The following STPG2 variants were observed in gnomAD, a reference collection of about 807,000 sequenced individuals.
STPG2 encodes the protein sperm-tail PG-rich repeat-containing protein 2.
A neutral mutation model predicts 54.2 loss-of-function variants in STPG2; 56 were observed. The observed-to-expected ratio is 1.03, with a 90% CI of 0.83 to 1.29. STPG2 has a LOEUF of 1.29. Ranked by LOEUF, STPG2 falls within the 50% of genes most tolerant of loss-of-function variation. The pLI is 0.00. For missense variants in STPG2, 596 were observed against 544.9 expected (o/e 1.09, Z -0.93); for synonymous variants, 200 against 181.8 (o/e 1.10, Z -0.81).
chr4:97,795,652 A>G (rs1354146491), intron 9 of STPG2, among the ~76,000 whole-genome samples: 6 of 152,362 alleles, frequency 3.9e-5, no homozygotes, highest in African/African-American at 7.2e-5. Flanking sequence ...TAGTGCCACA[A>G]TAAACATATG....
At chr4:97,568,148 C>G (rs1336488591) in intron 10 of STPG2, among the ~76,000 whole-genome samples, 1 of 151,986 alleles carries the variant, frequency 6.6e-6, no homozygotes, top group Non-Finnish European at 1.5e-5. Flanking sequence ...AAACTAATGC[C>G]CAGCGTTTGA....
chr4:97,844,253 A>C (rs565885178), intron 8 of STPG2, among the ~76,000 whole-genome samples: 1 of 151,946 alleles, frequency 6.6e-6, no homozygotes, highest in South Asian at 2.1e-4. Flanking sequence ...CAACAAGTAA[A>C]CCCCTCAGCC....
chr4:97,766,030 C>T (rs1374176249), intron 9 of STPG2, among the ~76,000 whole-genome samples: 1 of 151,980 alleles, frequency 6.6e-6, no homozygotes, highest in Non-Finnish European at 1.5e-5. Flanking sequence ...TTGTAGGATG[C>T]TTTAAAGGGT....
At chr4:97,667,376 T>C (rs973037852) in intron 10 of STPG2, among the ~76,000 whole-genome samples, 13 of 152,348 alleles carry the variant, frequency 8.5e-5, no homozygotes, top group Admixed American at 7.2e-4. Context: ...TTTTTGTATT[T>C]TGTGACAGTT....
At chr4:97,826,605 G>C (rs185172093) in intron 9 of STPG2, among the ~76,000 whole-genome samples, 1 of 152,072 alleles carries the variant, frequency 6.6e-6, no homozygotes, top group Non-Finnish European at 1.5e-5. Context: ...TATATTTGTC[G>C]ACAAGGTTTT....
At chr4:97,927,045 C>T (rs748193630) in intron 8 of STPG2, among the ~76,000 whole-genome samples, 10 of 152,040 alleles carry the variant, frequency 6.6e-5, no homozygotes, top group South Asian at 2.1e-4. Flanking sequence ...CCTAAACTCA[C>T]GCAACTAGGC....
intron 8 of STPG2, among the ~76,000 whole-genome samples, chr4:97,923,865 CA>C (rs1469405908): frequency 6.6e-6 from 1 of 152,138 alleles, no homozygotes; most frequent in Admixed American, 6.5e-5. Flanking sequence ...AGCACCCTGT[CA>C]AAATGGACCA....
downstream of STPG2, among the ~76,000 whole-genome samples, chr4:97,557,193 T>C (rs903167948): frequency 4.0e-5 from 6 of 151,442 alleles, no homozygotes; most frequent in Non-Finnish European, 5.9e-5. Flanking sequence ...AAAAACAAAA[T>C]ACTGTCATAC....
intron 4 of STPG2, among the ~76,000 whole-genome samples, chr4:97,535,988 C>G (rs181497135): frequency 2.0e-5 from 3 of 152,138 alleles, no homozygotes; most frequent in Admixed American, 6.6e-5. Context: ...GCTTTAGAGA[C>G]AGGGCCTGGC....
intron 8 of STPG2, among the ~76,000 whole-genome samples, chr4:97,873,814 C>A (rs1340997743): frequency 6.6e-6 from 1 of 151,478 alleles, no homozygotes; most frequent in Non-Finnish European, 1.5e-5. Flanking sequence ...AGTAACTTAA[C>A]ACATTAATTA....
chr4:97,902,832 G>C (rs1296577633), intron 8 of STPG2, among the ~76,000 whole-genome samples: 3 of 152,124 alleles, frequency 2.0e-5, no homozygotes, highest in African/African-American at 7.2e-5. Context: ...ATGTTGAAGA[G>C]ATATCAGTAC....
chr4:97,742,423 A>T (rs1725276574), intron 9 of STPG2, among the ~76,000 whole-genome samples: 1 of 151,196 alleles, frequency 6.6e-6, no homozygotes, highest in Non-Finnish European at 1.5e-5. Flanking sequence ...GTACTTCTTA[A>T]AGAGATAGCT....
intron 4 of STPG2, among the ~76,000 whole-genome samples, chr4:97,518,521 T>C (rs1451475170): frequency 6.6e-6 from 1 of 152,116 alleles, no homozygotes; most frequent in Non-Finnish European, 1.5e-5. Flanking sequence ...ATTTAAGAAG[T>C]ATATAATATG....
At chr4:97,930,692 GGTTT>G (rs1414626358) in intron 8 of STPG2, among the ~76,000 whole-genome samples, 1 of 152,032 alleles carries the variant, frequency 6.6e-6, no homozygotes, top group Non-Finnish European at 1.5e-5. Flanking sequence ...ACTTTTTAAA[GGTTT>G]TTTTCTAGTT....
At chr4:97,572,324 A>G (rs1173502238) in intron 10 of STPG2, among the ~76,000 whole-genome samples, 1 of 151,902 alleles carries the variant, frequency 6.6e-6, no homozygotes, top group Admixed American at 6.6e-5. Context: ...TCTGTTAGTA[A>G]CCACTGCTTA....
chr4:97,949,023 C>T (rs2149237824), intron 7 of STPG2, among the ~76,000 whole-genome samples: 1 of 152,156 alleles, frequency 6.6e-6, no homozygotes, highest in South Asian at 2.1e-4. Context: ...AAGTCCCCCA[C>T]TATAATTGTG....
At chr4:98,125,888 A>T (rs188734849) in intron 3 of STPG2, among the ~76,000 whole-genome samples, 20 of 152,260 alleles carry the variant, frequency 1.3e-4, no homozygotes, top group African/African-American at 4.8e-4. Context: ...TCCCATGGGG[A>T]GGCCCTGACC....
chr4:97,614,299 T>G (rs76205257), intron 10 of STPG2, among the ~76,000 whole-genome samples: 1 of 21,584 alleles, frequency 4.6e-5, no homozygotes, highest in African/African-American at 1.7e-4. Flanking sequence ...TCTAAAGAGA[T>G]TTTTTTTTTT....
chr4:97,853,567 A>G (rs1341489258), intron 8 of STPG2, among the ~76,000 whole-genome samples: 1 of 152,224 alleles, frequency 6.6e-6, no homozygotes, highest in African/African-American at 2.4e-5. Flanking sequence ...CATTCAATAA[A>G]AAGGCTCCAA....
Sources: allele counts gnomAD v4.1 joint callset (sites outside exome capture counted in the v4.1 genomes callset), GRCh38; gene constraint gnomAD v4.1.1; transcripts MANE v1.5; gene names NCBI Gene and HGNC (gene_info 2026-07-23, HGNC 2026-07-21).